KIDINS220: variants seen among roughly 807,000 people sequenced by gnomAD.
KIDINS220 encodes kinase D-interacting substrate of 220 kDa.
KIDINS220 carries 63 observed loss-of-function variants against 157.6 expected under a neutral mutation model. The ratio of observed to expected loss-of-function variants is 0.40; its 90% CI spans 0.33 to 0.49. The LOEUF (loss-of-function observed/expected upper bound fraction) is 0.49. Among genes scored for constraint, KIDINS220 ranks in the 20% least tolerant of loss-of-function variants. KIDINS220 has a pLI of 0.66. For missense variants in KIDINS220, 1,772 were observed against 2,171.2 expected (o/e 0.82, Z 3.65); for synonymous variants, 732 against 783.6 (o/e 0.93, Z 1.10).
chr2:8,787,024 C>G (rs1672493556), intron 15 of KIDINS220, among the ~76,000 whole-genome samples: 1 of 151,524 alleles, frequency 6.6e-6, no homozygotes, highest in Non-Finnish European at 1.5e-5. Flanking sequence ...CATCTCAGTC[C>G]AGTAGATAAG....
At chr2:8,744,381 A>T (rs1558327603) in intron 26 of KIDINS220, among the ~76,000 whole-genome samples, 4 of 36,474 alleles carry the variant, frequency 1.1e-4, no homozygotes, top group Admixed American at 5.5e-4. Flanking sequence ...AAAAAAAAAA[A>T]AAAAAAAATA....
intron 21 of KIDINS220, among the ~76,000 whole-genome samples, chr2:8,774,884 T>C (rs1670751470): frequency 6.6e-6 from 1 of 152,346 alleles, no homozygotes; most frequent in Admixed American, 6.5e-5. Context: ...ATCACTGTGG[T>C]TGCCGTATGG....
At chr2:8,796,903 A>G (rs754313307) in intron 10 of KIDINS220, 34 bp from the exon 11 acceptor site, 2 of 1,433,164 alleles carry the variant, frequency 1.4e-6, no homozygotes, top group African/African-American at 2.8e-5. Flanking sequence ...TGCCAGATTA[A>G]TAGCTTGACT....
chr2:8,829,803 A>T (rs1679346236), intron 1 of KIDINS220, among the ~76,000 whole-genome samples: 1 of 152,098 alleles, frequency 6.6e-6, no homozygotes, highest in African/African-American at 2.4e-5. Context: ...TATCATTAGA[A>T]AGCAGTGAGG....
intron 21 of KIDINS220, 72 bp from the exon 22 acceptor site, chr2:8,770,904 AT>A (rs1192926949): frequency 1.1e-5 from 9 of 826,990 alleles, no homozygotes; most frequent in Admixed American, 3.5e-5. Context: ...CATTTAGTAT[AT>A]TCACAAATAT....
intron 21 of KIDINS220, among the ~76,000 whole-genome samples, chr2:8,774,888 C>T (rs1670751912): frequency 6.6e-6 from 1 of 151,932 alleles, no homozygotes; most frequent in Non-Finnish European, 1.5e-5. Context: ...CTGTGGTTGC[C>T]GTATGGAGAA....
intron 23 of KIDINS220, among the ~76,000 whole-genome samples, chr2:8,750,904 CAA>C (rs568388223): frequency 2.3e-4 from 35 of 152,290 alleles, no homozygotes; most frequent in Admixed American, 2.2e-3. Flanking sequence ...CCATGTCATA[CAA>C]AAGACTGTTT....
intron 10 of KIDINS220, 135 bp downstream of exon 10, chr2:8,798,067 C>T: frequency 1.8e-6 from 1 of 567,344 alleles, no homozygotes; most frequent in East Asian, 3.0e-5. Context: ...TACAAAGTTA[C>T]TCCTCAATGT....
chr2:8,749,964 A>T (rs1187713239), intron 24 of KIDINS220, 148 bp downstream of exon 24: 1 of 621,638 alleles, frequency 1.6e-6, no homozygotes, highest in African/African-American at 1.8e-5. Flanking sequence ...TGATTTCCAA[A>T]AAGTCCTATA....
chr2:8,738,364 G>A (rs983382988), intron 26 of KIDINS220, among the ~76,000 whole-genome samples: 1 of 152,160 alleles, frequency 6.6e-6, no homozygotes, highest in Non-Finnish European at 1.5e-5. Context: ...AGCAGAAACG[G>A]GATATTTGCA....
intron 15 of KIDINS220, 26 bp downstream of exon 15, chr2:8,788,621 T>C (rs1306862900): frequency 6.3e-7 from 1 of 1,594,278 alleles, no homozygotes; most frequent in Non-Finnish European, 8.5e-7. Context: ...CATTGAAGAT[T>C]TCTTCTGTCA....
At chr2:8,833,727 T>G (rs1379865299) in intron 1 of KIDINS220, among the ~76,000 whole-genome samples, 1 of 152,218 alleles carries the variant, frequency 6.6e-6, no homozygotes, top group Non-Finnish European at 1.5e-5. Flanking sequence ...GGCTATACAT[T>G]CTTTTGCACA....
chr2:8,832,973 G>A (rs892360724), intron 1 of KIDINS220, among the ~76,000 whole-genome samples: 10 of 151,986 alleles, frequency 6.6e-5, no homozygotes, highest in African/African-American at 2.4e-4. Context: ...TGCATAGGAT[G>A]TGTGATGATC....
chr2:8,734,562 CT>C, intron 28 of KIDINS220, 92 bp downstream of exon 28: 1 of 874,316 alleles, frequency 1.1e-6, no homozygotes, highest in Non-Finnish European at 1.8e-6. Flanking sequence ...TAGGCCAGTA[CT>C]TATTGATACT....
Position 8,747,162 on chromosome 2 carries a change from G to A in KIDINS220, c.3568C>T (p.Pro1190Ser). Residue 1190 changes from proline to serine, a missense_variant, in exon 26 of 30, where the codon CCC becomes TCC. By Grantham distance (74) the Pro-to-Ser change is moderately conservative (BLOSUM62 -1). This residue lies in a region of KIDINS220 where 793 missense variants were observed against 885.5 expected (regional missense o/e 0.90). Transcript: ENST00000256707. ...TCCATTACCCTCGAGGAGTCTGTGG[G>A]TGAAGAAAGCCCCTCAGCAGCATCC... The part of the protein sequence containing the change: ...KEDAAEGLSS[P>S]TDSSRGSGPA... 2.5e-6 allele frequency: 4 copies of A among 1,614,120 alleles called. No homozygotes were observed. The Middle Eastern group carries it at 5.0e-4, about 200-fold the overall frequency.
At chr2:8,791,395 C>T (rs1006974934) in intron 12 of KIDINS220, among the ~76,000 whole-genome samples, 171 bp from the exon 13 acceptor site, 1 of 152,158 alleles carries the variant, frequency 6.6e-6, no homozygotes, top group African/African-American at 2.4e-5. Flanking sequence ...GGAAGGCTAC[C>T]TGATTTAAAA....
intron 13 of KIDINS220, among the ~76,000 whole-genome samples, chr2:8,790,666 G>A (rs929798527): frequency 1.3e-5 from 2 of 152,280 alleles, no homozygotes; most frequent in African/African-American, 4.8e-5. Context: ...TTGGGTGGGT[G>A]GTAGTGAGGC....
downstream of KIDINS220, chr2:8,724,179 G>C (rs1327909691): frequency 6.6e-6 from 1 of 152,464 alleles, no homozygotes; most frequent in Non-Finnish European, 1.5e-5. This position sits in a 1 kb window ranked among gnomAD's most constrained non-coding sequence, Gnocchi z 4.6. Context: ...AGGTGACAGG[G>C]TGGGCAGAAA....
At chr2:8,737,651 C>G (rs1274636496) in intron 26 of KIDINS220, among the ~76,000 whole-genome samples, 1 of 152,166 alleles carries the variant, frequency 6.6e-6, no homozygotes, top group East Asian at 1.9e-4. Flanking sequence ...AAAGGAAAGT[C>G]AAAATAATTA....
Sources: allele counts gnomAD v4.1 joint callset (sites outside exome capture counted in the v4.1 genomes callset), GRCh38; gene constraint gnomAD v4.1.1; regional missense constraint gnomAD v4.1.1; non-coding constraint Gnocchi (gnomAD v3.1); transcripts MANE v1.5; gene names NCBI Gene and HGNC (gene_info 2026-07-23, HGNC 2026-07-21).